The following SV2C variants were observed in gnomAD, a reference collection of about 807,000 sequenced individuals.
SV2C encodes the protein solute carrier family 22 member B3.
A neutral mutation model predicts 79.7 loss-of-function variants in SV2C; 49 were observed. The ratio of observed to expected loss-of-function variants is 0.61; its 90% CI spans 0.49 to 0.78. The LOEUF is 0.78. Ranked by LOEUF, SV2C falls within the 30% of genes least tolerant of loss-of-function variation. SV2C has a pLI of 0.00. For missense variants in SV2C, 833 were observed against 912.9 expected (o/e 0.91, Z 1.13); for synonymous variants, 334 against 333.2 (o/e 1.00, Z -0.03).
the SV2C span, among the ~76,000 whole-genome samples, chr5:76,060,160 G>A: frequency 6.6e-6 from 1 of 152,060 alleles, no homozygotes; most frequent in Non-Finnish European, 1.5e-5. Flanking sequence ...ATTCTTAAGG[G>A]CACTATGATT....
intron 4 of SV2C, among the ~76,000 whole-genome samples, chr5:76,240,750 C>G (rs1745759180): frequency 1.3e-5 from 2 of 152,170 alleles, no homozygotes; most frequent in South Asian, 4.1e-4. Flanking sequence ...TCTCAGGCTC[C>G]ATTTGGGGAA....
At chr5:76,030,029 T>A in the SV2C span, among the ~76,000 whole-genome samples, 8 of 152,284 alleles carry the variant, frequency 5.3e-5, no homozygotes, top group South Asian at 1.4e-3. Context: ...GACCCCGGTT[T>A]CTATGGTGGG....
intron 12 of SV2C, among the ~76,000 whole-genome samples, chr5:76,346,916 T>C (rs899746261): frequency 6.6e-5 from 10 of 152,208 alleles, no homozygotes; most frequent in Admixed American, 2.6e-4. Flanking sequence ...TTGTGCTGTC[T>C]CCGCTACCTA....
At chr5:76,120,242 T>C (rs894709100) in intron 1 of SV2C, among the ~76,000 whole-genome samples, 4 of 151,936 alleles carry the variant, frequency 2.6e-5, no homozygotes, top group Non-Finnish European at 5.9e-5. Flanking sequence ...AACGTGACTA[T>C]ATACTTATGA....
chr5:75,988,631 G>A, the SV2C span, among the ~76,000 whole-genome samples: 1 of 151,944 alleles, frequency 6.6e-6, no homozygotes, highest in Non-Finnish European at 1.5e-5. Flanking sequence ...CCCCATGGAA[G>A]AGCACACTGG....
intron 2 of SV2C, among the ~76,000 whole-genome samples, chr5:76,193,275 A>G (rs1270372396): frequency 6.6e-6 from 1 of 152,246 alleles, no homozygotes; most frequent in East Asian, 1.9e-4. Context: ...CCATATTCTC[A>G]GGGGTCTGAA....
At chr5:75,905,265 G>C in the SV2C span, among the ~76,000 whole-genome samples, 1 of 152,144 alleles carries the variant, frequency 6.6e-6, no homozygotes, top group Non-Finnish European at 1.5e-5. Flanking sequence ...TACTGCTAGT[G>C]ATCACATGAG....
intron 1 of SV2C, among the ~76,000 whole-genome samples, chr5:76,099,744 T>C (rs929961666): frequency 2.6e-5 from 4 of 152,190 alleles, no homozygotes; most frequent in Non-Finnish European, 1.5e-5. Context: ...TAACCTTCTA[T>C]TAACAGTAAG....
chr5:76,270,521 G>C (rs1451528905), intron 4 of SV2C, among the ~76,000 whole-genome samples: 2 of 152,282 alleles, frequency 1.3e-5, no homozygotes, highest in East Asian at 3.9e-4. Context: ...AGCCTTTGCT[G>C]ATCATCTCCA....
At chr5:76,043,767 G>A in the SV2C span, among the ~76,000 whole-genome samples, 2 of 151,996 alleles carry the variant, frequency 1.3e-5, no homozygotes, top group Non-Finnish European at 2.9e-5. Context: ...GTGTGTATTT[G>A]TACATCATTC....
the SV2C span, among the ~76,000 whole-genome samples, chr5:75,972,498 C>A: frequency 6.6e-6 from 1 of 152,062 alleles, no homozygotes; most frequent in African/African-American, 2.4e-5. Context: ...ACAAACAACC[C>A]CATCAAAAAC....
the SV2C span, among the ~76,000 whole-genome samples, chr5:75,898,189 G>A: frequency 6.6e-6 from 1 of 152,158 alleles, no homozygotes; most frequent in Non-Finnish European, 1.5e-5. Flanking sequence ...CATTCAGTAA[G>A]ATATTGGCTG....
chr5:76,118,417 G>C (rs917547068), intron 1 of SV2C, among the ~76,000 whole-genome samples: 1 of 152,126 alleles, frequency 6.6e-6, no homozygotes, highest in Non-Finnish European at 1.5e-5. Flanking sequence ...CTGGAGGTTA[G>C]GGTATCCTTC....
At chr5:76,063,024 A>G in the SV2C span, among the ~76,000 whole-genome samples, 4 of 152,244 alleles carry the variant, frequency 2.6e-5, no homozygotes, top group East Asian at 7.7e-4. Flanking sequence ...GGCTTTCTTC[A>G]TACTTTGGTT....
intron 2 of SV2C, among the ~76,000 whole-genome samples, chr5:76,135,969 C>A (rs1014674916): frequency 2.6e-5 from 4 of 152,182 alleles, no homozygotes; most frequent in African/African-American, 9.7e-5. Context: ...GGGCTGGCCT[C>A]CCACTCACTG....
At chr5:76,347,030 T>G (rs1176135210) in intron 12 of SV2C, among the ~76,000 whole-genome samples, 1 of 151,788 alleles carries the variant, frequency 6.6e-6, no homozygotes, top group Non-Finnish European at 1.5e-5. Context: ...AAGCTCTTGG[T>G]GAGAACTCTC....
At chr5:76,292,023 A>G (rs2112506742) in intron 8 of SV2C, among the ~76,000 whole-genome samples, 167 bp downstream of exon 8, 2 of 152,246 alleles carry the variant, frequency 1.3e-5, no homozygotes, top group Middle Eastern at 6.8e-3. Flanking sequence ...TAAACCAGTT[A>G]TTTTATTTGT....
the SV2C span, among the ~76,000 whole-genome samples, chr5:75,982,679 C>G: frequency 4.6e-5 from 7 of 152,142 alleles, no homozygotes. Context: ...TTTATTGTAG[C>G]ACTATTCACA....
At chr5:75,973,735 C>A in the SV2C span, among the ~76,000 whole-genome samples, 1 of 151,930 alleles carries the variant, frequency 6.6e-6, no homozygotes, top group Non-Finnish European at 1.5e-5. Flanking sequence ...TTCTCTTTAT[C>A]TGCACTCAGT....
Sources: gnomAD v4.1 joint callset for allele counts (sites outside exome capture counted in the v4.1 genomes callset) on GRCh38, gnomAD v4.1.1 for gene constraint, MANE v1.5 for transcripts, NCBI Gene and HGNC (gene_info 2026-07-23, HGNC 2026-07-21) for gene names.